Variants in KIFC3 observed in about 807,000 individuals in gnomAD.
KIFC3 encodes the protein kinesin-like protein KIFC3.
A neutral mutation model predicts 101.8 loss-of-function variants in KIFC3; 60 were observed. That is an observed-to-expected ratio of 0.59 (90% CI 0.48 to 0.73). The LOEUF (loss-of-function observed/expected upper bound fraction) is 0.73. Among genes scored for constraint, KIFC3 ranks in the 30% least tolerant of loss-of-function variants. The pLI is 0.00. For missense variants in KIFC3, 966 were observed against 1,137.1 expected (o/e 0.85, Z 2.16); for synonymous variants, 476 against 482.7 (o/e 0.99, Z 0.18).
chr16:57,841,171 GA>G (rs1348173477), intron 1 of KIFC3, among the ~76,000 whole-genome samples: 1 of 152,164 alleles, frequency 6.6e-6, no homozygotes, highest in South Asian at 2.1e-4. Context: ...AACAGTGGTG[GA>G]AAAAAATAAT....
rs782165814 is a variant in KIFC3, at chr16:57,761,176, G to T, written c.1873-5C>A. 1.2e-6 allele frequency: 2 copies of T among 1,613,596 alleles called. No homozygotes were observed. Among genetic ancestry groups the T allele is most frequent in the Non-Finnish European group, 1.7e-6 (2 of 1,179,904 alleles). On this transcript the variant is annotated splice_region_variant and splice_polypyrimidine_tract_variant and intron_variant, in intron 14 of 19. Transcript: ENST00000445690. The stretch of plus-strand genomic sequence containing the variant: ...AGTGTGGCCAAACTCAAACACCTGG[G>T]GGATTGGGAGGAGGGCAGAGGCACA...
In KIFC3 at chr16:57,802,363, C is replaced by G. The variant is rs1352809495; in HGVS notation, c.-40+7G>C. The G allele has an allele frequency of 1.0e-6, 1 of 983,052 alleles. No homozygotes were observed. Among genetic ancestry groups the G allele is most frequent in the Non-Finnish European group, 1.2e-6 (1 of 828,564 alleles). The allele number at this position is 983,052 out of a possible 1,614,324, so 60.9% of individuals were successfully genotyped here. On this transcript the variant is annotated splice_region_variant and intron_variant, in intron 1 of 19. Coordinates refer to ENST00000445690, the MANE Select transcript of KIFC3 (RefSeq NM_001130100.2). This position sits in a 1 kb window ranked among gnomAD's most constrained non-coding sequence, Gnocchi z 5.0. Reference sequence around the variant, plus strand: ...TCGCACCCAGCCCGCCCGGGCCCCCCACTCACCGGCCTGGCGGAGGCAGGA... The same window carrying G: ...TCGCACCCAGCCCGCCCGGGCCCCCGACTCACCGGCCTGGCGGAGGCAGGA...
chr16:57,835,054 A>G (rs1555480113), intron 1 of KIFC3, among the ~76,000 whole-genome samples: 1 of 152,202 alleles, frequency 6.6e-6, no homozygotes, highest in Non-Finnish European at 1.5e-5. Context: ...CCTCTTTGCT[A>G]AGACTGGCTC....
intron 1 of KIFC3, among the ~76,000 whole-genome samples, chr16:57,844,297 G>A (rs971734962): frequency 6.6e-6 from 1 of 151,688 alleles, no homozygotes; most frequent in African/African-American, 2.4e-5. Flanking sequence ...AGGCATGGTG[G>A]CAGGCGCCTG....
chr16:57,834,998 T>A (rs1555480092), intron 1 of KIFC3, among the ~76,000 whole-genome samples: 1 of 152,182 alleles, frequency 6.6e-6, no homozygotes, highest in Non-Finnish European at 1.5e-5. Context: ...GTGGTAAAAT[T>A]CAGGAGGAAA....
chr16:57,815,020 G>A (rs953403451), intron 1 of KIFC3, among the ~76,000 whole-genome samples: 1 of 152,206 alleles, frequency 6.6e-6, no homozygotes, highest in South Asian at 2.1e-4. Context: ...CCAGCCTTAG[G>A]TAGGAAGGAA....
At chr16:57,829,140 G>C (rs1161169689) in intron 1 of KIFC3, among the ~76,000 whole-genome samples, 1 of 151,936 alleles carries the variant, frequency 6.6e-6, no homozygotes, top group African/African-American at 2.4e-5. Flanking sequence ...GAACTTTTAG[G>C]GCAAAGATAA....
chr16:57,850,465 GTTTT>G (rs373157438), intron 1 of KIFC3, among the ~76,000 whole-genome samples: 354 of 84,046 alleles, frequency 4.2e-3, no homozygotes, highest in Non-Finnish European at 5.8e-3. Flanking sequence ...TTTAAAAAGG[GTTTT>G]TTTTTTTTTT....
At chr16:57,822,281 G>C (rs1176682130) in intron 1 of KIFC3, among the ~76,000 whole-genome samples, 3 of 152,234 alleles carry the variant, frequency 2.0e-5, no homozygotes, top group South Asian at 2.1e-4. Context: ...TCCCTCAAAG[G>C]GTTGTTGAAG....
chr16:57,810,114 C>T (rs1346417613), intron 1 of KIFC3, among the ~76,000 whole-genome samples: 3 of 152,152 alleles, frequency 2.0e-5, no homozygotes, highest in Non-Finnish European at 4.4e-5. Flanking sequence ...TCATCTGGTG[C>T]CACCACCATG....
At chr16:57,764,697 A>G (rs1250376522) in intron 11 of KIFC3, among the ~76,000 whole-genome samples, 1 of 152,204 alleles carries the variant, frequency 6.6e-6, no homozygotes, top group Non-Finnish European at 1.5e-5. Flanking sequence ...CTGAGAACAC[A>G]TGGTTCTCAT....
intron 2 of KIFC3, 21 bp downstream of exon 2, chr16:57,798,051 A>G: frequency 6.3e-7 from 1 of 1,584,234 alleles, no homozygotes; most frequent in Middle Eastern, 1.7e-4. Flanking sequence ...ATAAAGAGGC[A>G]TTTTAAAAAT....
Position 57,766,959 on chromosome 16 carries a change from G to A in KIFC3, c.1245C>T (p.Asn415=). 6.2e-7 allele frequency: 1 copy of A among 1,613,262 alleles called. No individual in the cohort carries two copies. The highest frequency in any genetic ancestry group is 8.5e-7 in the Non-Finnish European group (1 of 1,179,980). Residue 415 remains asparagine, a synonymous_variant, in exon 10 of 20, where the codon AAC becomes AAT. Coordinates refer to ENST00000445690, the MANE Select transcript of KIFC3 (RefSeq NM_001130100.2). ...AEIGQAIEEV[N]SNNQELLRKY... ...TGCGCAGCAGCTCCTGGTTGTTGCT[G>A]TTGACCTCCTCGATGGCCTGGCCTA...
chr16:57,759,426 C>G, intron 18 of KIFC3: 1 of 589,274 alleles, frequency 1.7e-6, no homozygotes, highest in Non-Finnish European at 3.0e-6. Flanking sequence ...ACTGCACAGG[C>G]TCAGCCAGCC....
chr16:57,765,787 C>A, intron 10 of KIFC3, 147 bp from the exon 11 acceptor site: 1 of 662,240 alleles, frequency 1.5e-6, no homozygotes, highest in Non-Finnish European at 2.6e-6. Flanking sequence ...GCCCACAAAG[C>A]TGTTATCCGT....
At chr16:57,827,461 C>A (rs782248744) in intron 1 of KIFC3, among the ~76,000 whole-genome samples, 1 of 152,264 alleles carries the variant, frequency 6.6e-6, no homozygotes, top group Non-Finnish European at 1.5e-5. Context: ...GCCAGAGAGC[C>A]AGCCCATGCC....
intron 3 of KIFC3, among the ~76,000 whole-genome samples, chr16:57,773,478 C>A (rs1183308107): frequency 6.6e-6 from 1 of 152,164 alleles, no homozygotes; most frequent in Non-Finnish European, 1.5e-5. Context: ...CACAGCAAGA[C>A]CCCATCTCTA....
Position 57,802,362 on chromosome 16 carries a change from C to T in KIFC3, c.-40+8G>A, listed in dbSNP as rs1229706272. On this transcript the variant is annotated splice_region_variant and intron_variant, in intron 1 of 19. Transcript: ENST00000445690. This position sits in a 1 kb window ranked among gnomAD's most constrained non-coding sequence, Gnocchi z 5.0. Reference sequence around the variant, plus strand: ...CTCGCACCCAGCCCGCCCGGGCCCCCCACTCACCGGCCTGGCGGAGGCAGG... The same window carrying T: ...CTCGCACCCAGCCCGCCCGGGCCCCTCACTCACCGGCCTGGCGGAGGCAGG... 1 of 982,368 alleles carries T rather than the reference C, an allele frequency of 1.0e-6. No individual in the cohort carries two copies. The highest frequency in any genetic ancestry group is 1.8e-5 in the African/African-American group (1 of 57,114). The allele number at this position is 982,368 out of a possible 1,614,324, so 60.9% of individuals were successfully genotyped here.
chr16:57,798,371 C>G (rs1357127833), intron 1 of KIFC3, 89 bp from the exon 2 acceptor site: 2 of 1,197,230 alleles, frequency 1.7e-6, no homozygotes, highest in Admixed American at 4.0e-5. Flanking sequence ...GAAGGGTCTA[C>G]GCCCCACCGG....
Sources: gnomAD v4.1 joint callset for allele counts (sites outside exome capture counted in the v4.1 genomes callset) on GRCh38, gnomAD v4.1.1 for gene constraint, Gnocchi (gnomAD v3.1) non-coding constraint, MANE v1.5 for transcripts, NCBI Gene and HGNC (gene_info 2026-07-23, HGNC 2026-07-21) for gene names.